The following AKAP6 variants were observed in gnomAD, a reference collection of about 807,000 sequenced individuals.
The protein encoded by AKAP6 is A-kinase anchor protein 6.
A neutral mutation model predicts 188.5 loss-of-function variants in AKAP6; 58 were observed. The ratio of observed to expected loss-of-function variants is 0.31; its 90% CI spans 0.25 to 0.38. The LOEUF (loss-of-function observed/expected upper bound fraction) is 0.38. Among genes scored for constraint, AKAP6 ranks in the 10% least tolerant of loss-of-function variants. AKAP6 has a pLI of 1.00. For synonymous variants in AKAP6, 989 were observed against 998.6 expected, an observed-to-expected ratio of 0.99 and a Z score of 0.18; for missense variants, 2,710 against 2,740.0, an observed-to-expected ratio of 0.99 and a Z score of 0.24.
At chr14:32,717,744 A>G (rs926360519) in intron 9 of AKAP6, among the ~76,000 whole-genome samples, 1 of 152,008 alleles carries the variant, frequency 6.6e-6, no homozygotes, top group African/African-American at 2.4e-5. Context: ...TTTGTTCTCT[A>G]TGGTCTTAGT....
intron 2 of AKAP6, among the ~76,000 whole-genome samples, chr14:32,436,630 A>G (rs932449049): frequency 1.3e-5 from 2 of 152,182 alleles, no homozygotes; most frequent in Admixed American, 1.3e-4. Flanking sequence ...TCCACCCAGT[A>G]GCCAATGGGA....
intron 11 of AKAP6, among the ~76,000 whole-genome samples, chr14:32,758,198 A>G (rs1043480009): frequency 5.3e-5 from 8 of 152,210 alleles, no homozygotes; most frequent in African/African-American, 1.4e-4. Flanking sequence ...CATCTAGCTA[A>G]CTTAGCCTCC....
At chr14:32,815,622 T>A (rs1171317002) in intron 12 of AKAP6, among the ~76,000 whole-genome samples, 3 of 152,194 alleles carry the variant, frequency 2.0e-5, no homozygotes, top group Non-Finnish European at 4.4e-5. Flanking sequence ...TCAATGTTTC[T>A]TTCTTTGACT....
rs533135155 is a variant in AKAP6 at position 32,498,178 on chromosome 14, A to G, written c.325-37376A>G. On this transcript the variant is annotated intron_variant, in intron 2 of 13. Coordinates refer to ENST00000280979, the MANE Select transcript of AKAP6 (RefSeq NM_004274.5). ...TCATGTGACTGTCATTTTACAGCCC[A>G]CATAATGCAAGATTTTCATATACTT... is the stretch of plus-strand genomic sequence containing the variant. 7.9e-5 allele frequency among the ~76,000 whole-genome samples: 12 copies of G among 152,240 alleles called. No homozygotes were observed. In the South Asian group the frequency reaches 2.3e-3, roughly 29 times the overall value.
chr14:32,505,741 C>T (rs866034607), intron 2 of AKAP6, among the ~76,000 whole-genome samples: 13 of 151,962 alleles, frequency 8.6e-5, no homozygotes, highest in South Asian at 4.1e-4. Flanking sequence ...AGAAGTCATA[C>T]GGTATTTATA....
intron 7 of AKAP6, among the ~76,000 whole-genome samples, chr14:32,615,366 C>A (rs1378729193): frequency 2.7e-5 from 4 of 149,772 alleles, no homozygotes; most frequent in African/African-American, 7.3e-5. Context: ...CTGAATGAAC[C>A]AACTCTTGAG....
chr14:32,755,150 G>A (rs1286073140), intron 11 of AKAP6, among the ~76,000 whole-genome samples: 1 of 152,052 alleles, frequency 6.6e-6, no homozygotes, highest in South Asian at 2.1e-4. Context: ...GGTTCACTTG[G>A]TGTGGCTCAA....
At chr14:32,445,807 A>G (rs1594621798) in intron 2 of AKAP6, among the ~76,000 whole-genome samples, 1 of 151,938 alleles carries the variant, frequency 6.6e-6, no homozygotes, top group Admixed American at 6.6e-5. Flanking sequence ...ATACATTTGT[A>G]TGACTTTGAA....
intron 5 of AKAP6, among the ~76,000 whole-genome samples, chr14:32,584,583 C>T (rs544435166): frequency 2.0e-5 from 3 of 152,120 alleles, no homozygotes; most frequent in African/African-American, 4.8e-5. Flanking sequence ...AGATAGTGAA[C>T]ATACTTATCA....
At chr14:32,434,818 G>T (rs985497630) in intron 2 of AKAP6, among the ~76,000 whole-genome samples, 1 of 152,180 alleles carries the variant, frequency 6.6e-6, no homozygotes, top group South Asian at 2.1e-4. Context: ...TCTCAGGCTG[G>T]TTCAGCAGAT....
chr14:32,664,088 T>G (rs1368726490), intron 7 of AKAP6, among the ~76,000 whole-genome samples: 1 of 152,144 alleles, frequency 6.6e-6, no homozygotes. Flanking sequence ...GGATATCATT[T>G]TGCTTAACCT....
In AKAP6 at chr14:32,678,444, C is replaced by T. The variant is rs570285352; in HGVS notation, c.2864C>T (p.Ser955Leu). 3 of 1,613,896 alleles carry T rather than the reference C, an allele frequency of 1.9e-6. No individual in the cohort carries two copies. The highest frequency in any genetic ancestry group is 4.5e-5 in the East Asian group (2 of 44,836). Residue 955 changes from serine to leucine, a missense_variant, in exon 8 of 14, where the codon TCA (serine) becomes TTA (leucine). By Grantham distance (145) the Ser-to-Leu change is moderately radical. Coordinates refer to ENST00000280979, the MANE Select transcript of AKAP6 (RefSeq NM_004274.5). ...EEFADMSKVH[S>L]VGSNGLLDFD... ...TTTGCTGATATGTCAAAAGTTCATT[C>T]AGTGGGAAGCAATGGGTAGGGAACT... is the stretch of plus-strand genomic sequence containing the variant.
intron 8 of AKAP6, among the ~76,000 whole-genome samples, chr14:32,695,494 ATTAG>A (rs1027985335): frequency 2.0e-5 from 3 of 152,220 alleles, no homozygotes; most frequent in African/African-American, 7.2e-5. Flanking sequence ...TTATACAGAA[ATTAG>A]TTAAATTGTT....
At chr14:32,642,181 G>A (rs1271761450) in intron 7 of AKAP6, among the ~76,000 whole-genome samples, 1 of 152,074 alleles carries the variant, frequency 6.6e-6, no homozygotes, top group Admixed American at 6.5e-5. Context: ...TGTTATACTT[G>A]GCTAGTTATA....
chr14:32,658,772 G>A (rs1326946370), intron 7 of AKAP6, among the ~76,000 whole-genome samples: 4 of 136,362 alleles, frequency 2.9e-5, no homozygotes, highest in East Asian at 4.2e-4. Context: ...CATTTTTAAA[G>A]TCTTCTTTAA....
intron 12 of AKAP6, among the ~76,000 whole-genome samples, chr14:32,795,014 CA>C (rs148529333): frequency 0.014 from 2,062 of 152,212 alleles, 20 homozygotes; most frequent in Non-Finnish European, 0.019. Context: ...CACCTCTATG[CA>C]CATAAACTAG....
intron 1 of AKAP6, among the ~76,000 whole-genome samples, chr14:32,345,881 C>G (rs1887049674): frequency 6.6e-6 from 1 of 152,186 alleles, no homozygotes; most frequent in Non-Finnish European, 1.5e-5. Flanking sequence ...ATATTTCCCT[C>G]TATCCACAGA....
rs751194191 is a variant in AKAP6, at chr14:32,546,084, A to T, written c.1431A>T (p.Glu477Asp). 28 of 1,614,164 alleles carry T rather than the reference A, an allele frequency of 1.7e-5. No individual in the cohort carries two copies. Among genetic ancestry groups the T allele is most frequent in the Non-Finnish European group, 2.2e-5 (26 of 1,180,024 alleles). Residue 477 changes from glutamate (E) to aspartate (D), a missense_variant, in exon 4 of 14, where the codon GAA (glutamate) becomes GAT (aspartate). Physicochemically the swap from Glu to Asp is conservative, Grantham distance 45. This residue lies in a region of AKAP6 where 2,473 missense variants were observed against 2,426.1 expected (regional missense o/e 1.02). Coordinates refer to ENST00000280979, the MANE Select transcript of AKAP6 (RefSeq NM_004274.5). The part of the protein sequence containing the change: ...LENTVKFHIK[E>D]ISSSLGRLND... ...ACACAGTCAAATTTCACATTAAAGA[A>T]ATTTCTTCCAGCCTGGGAAGGCTTA... is the stretch of plus-strand genomic sequence containing the variant.
chr14:32,822,579 G>A lies in AKAP6; in HGVS notation c.4766G>A (p.Ser1589Asn). Reference sequence around the variant, plus strand: ...GGCATCTTTAAAAATGGCAGTGACAGCCTCCAGCGAAGCACTTCTTTAGAA... The same window carrying A: ...GGCATCTTTAAAAATGGCAGTGACAACCTCCAGCGAAGCACTTCTTTAGAA... ...GLGIFKNGSD[S>N]LQRSTSLESW... Residue 1589 changes from serine to asparagine, a missense_variant, in exon 13 of 14, where the codon AGC (serine) becomes AAC (asparagine). Physicochemically the swap from Ser to Asn is conservative, Grantham distance 46 (BLOSUM62 1). This residue lies in a region of AKAP6 where 2,473 missense variants were observed against 2,426.1 expected (regional missense o/e 1.02). Transcript: ENST00000280979. The A allele has an allele frequency of 6.2e-7, 1 of 1,614,016 alleles. No individual in the cohort carries two copies. Among genetic ancestry groups the A allele is most frequent in the East Asian group, 2.2e-5 (1 of 44,872 alleles).
Sources: allele counts gnomAD v4.1 joint callset (sites outside exome capture counted in the v4.1 genomes callset), GRCh38; gene constraint gnomAD v4.1.1; regional missense constraint gnomAD v4.1.1; transcripts MANE v1.5; gene names NCBI Gene and HGNC (gene_info 2026-07-23, HGNC 2026-07-21).